The following ABCG1 variants were observed in gnomAD, a reference collection of about 807,000 sequenced individuals.
ABCG1 encodes the protein ATP-binding cassette sub-family G member 1.
In ABCG1, 29 loss-of-function variants were observed where a neutral mutation model predicts 69.2. The ratio of observed to expected loss-of-function variants is 0.42; its 90% confidence interval spans 0.31 to 0.57. The LOEUF (loss-of-function observed/expected upper bound fraction) is 0.57. Ranked by LOEUF, ABCG1 falls within the 20% of genes least tolerant of loss-of-function variation. The pLI is 0.15. For missense variants in ABCG1, 718 were observed against 898.1 expected, an observed-to-expected ratio of 0.80 and a Z score of 2.56; for synonymous variants, 370 against 374.8, an observed-to-expected ratio of 0.99 and a Z score of 0.15.
At chr21:42,284,369 C>G (rs2068896009) in intron 6 of ABCG1, among the ~76,000 whole-genome samples, 191 bp from the exon 7 acceptor site, 1 of 152,164 alleles carries the variant, frequency 6.6e-6, no homozygotes, top group Non-Finnish European at 1.5e-5. Flanking sequence ...CATGCAAAGC[C>G]CTGCTGTGTG....
upstream of ABCG1, among the ~76,000 whole-genome samples, chr21:42,213,174 T>C (rs1409920488): frequency 6.6e-6 from 1 of 152,276 alleles, no homozygotes; most frequent in African/African-American, 2.4e-5. Context: ...AGTGACGGCA[T>C]AACCCTGAAG....
intron 2 of ABCG1, among the ~76,000 whole-genome samples, chr21:42,252,076 G>T (rs1039335931): frequency 5.3e-5 from 8 of 152,216 alleles, no homozygotes; most frequent in African/African-American, 1.9e-4. Flanking sequence ...AGCTCTCCCC[G>T]CAATGCTTCT....
intron 2 of ABCG1, among the ~76,000 whole-genome samples, chr21:42,209,668 A>G (rs1019003670): frequency 6.6e-6 from 1 of 152,222 alleles, no homozygotes; most frequent in African/African-American, 2.4e-5. Context: ...ACTGAAATCT[A>G]ATTCATACTA....
chr21:42,221,359 G>A (rs968049665), intron 1 of ABCG1: 3 of 152,292 alleles, frequency 2.0e-5, no homozygotes, highest in Non-Finnish European at 4.4e-5. Context: ...AGAGATACCA[G>A]GATCTTAAGC....
intron 2 of ABCG1, among the ~76,000 whole-genome samples, chr21:42,236,608 C>A (rs1235078832): frequency 6.6e-6 from 1 of 152,210 alleles, no homozygotes; most frequent in Non-Finnish European, 1.5e-5. Context: ...CTTTTCCTTG[C>A]ACTCTTGGGT....
intron 2 of ABCG1, among the ~76,000 whole-genome samples, chr21:42,258,749 T>C (rs917926660): frequency 6.6e-6 from 1 of 152,174 alleles, no homozygotes. Context: ...TGCTGGCAGC[T>C]GCTGTAAGAC....
At chr21:42,216,116 T>C (rs1395441405), upstream of ABCG1, 1 of 451,032 alleles carries the variant, frequency 2.2e-6, no homozygotes, top group Admixed American at 2.4e-5. Context: ...GCTCTCTCTC[T>C]TGTCTGCCGC....
chr21:42,203,090 C>T (rs1010127188), intron 2 of ABCG1, among the ~76,000 whole-genome samples: 4 of 152,142 alleles, frequency 2.6e-5, no homozygotes, highest in South Asian at 2.1e-4. Context: ...TGGGTATCCA[C>T]GGGCAGAAAA....
intron 4 of ABCG1, among the ~76,000 whole-genome samples, chr21:42,274,538 G>C (rs1168690013): frequency 6.9e-6 from 1 of 145,372 alleles, no homozygotes; most frequent in Non-Finnish European, 1.5e-5. Context: ...GCAGTGGCAC[G>C]ATCTCAGCTC....
intron 2 of ABCG1, among the ~76,000 whole-genome samples, chr21:42,202,106 C>T (rs925412218): frequency 6.6e-6 from 1 of 152,194 alleles, no homozygotes; most frequent in African/African-American, 2.4e-5. Context: ...CAGCGTTTAC[C>T]CACGGATGGA....
upstream of ABCG1, among the ~76,000 whole-genome samples, chr21:42,218,596 C>G (rs970582026): frequency 5.3e-5 from 8 of 152,220 alleles, no homozygotes; most frequent in African/African-American, 1.9e-4. Context: ...TGAGTGCACA[C>G]GATGCCTCAC....
chr21:42,283,135 C>T (rs975646161), intron 6 of ABCG1, among the ~76,000 whole-genome samples: 8 of 152,192 alleles, frequency 5.3e-5, no homozygotes, highest in Non-Finnish European at 1.0e-4. Context: ...CCAGACTTTA[C>T]GTTGTCTCAT....
At chr21:42,259,996 C>A (rs746233146) in intron 2 of ABCG1, 2 of 1,535,756 alleles carry the variant, frequency 1.3e-6, no homozygotes, top group East Asian at 2.4e-5. Context: ...CAGGCCAGTG[C>A]GGCATCCTGC....
intron 2 of ABCG1, among the ~76,000 whole-genome samples, chr21:42,257,780 C>T (rs914364377): frequency 1.2e-4 from 18 of 152,314 alleles, no homozygotes; most frequent in African/African-American, 3.4e-4. Flanking sequence ...CTCCCTGCAC[C>T]GCGAGGCCCA....
upstream of ABCG1, among the ~76,000 whole-genome samples, chr21:42,216,553 C>G (rs1201644838): frequency 6.6e-6 from 1 of 152,162 alleles, no homozygotes; most frequent in African/African-American, 2.4e-5. Context: ...TGCCAGGTGA[C>G]AGGAGCAAGC....
At chr21:42,268,846 C>T (rs919013363) in intron 2 of ABCG1, among the ~76,000 whole-genome samples, 2 of 152,182 alleles carry the variant, frequency 1.3e-5, no homozygotes, top group Non-Finnish European at 2.9e-5. Flanking sequence ...CATGCCATGT[C>T]CTGTTCCTGG....
chr21:42,280,896 C>T (rs923347641), intron 5 of ABCG1, among the ~76,000 whole-genome samples: 2 of 152,230 alleles, frequency 1.3e-5, no homozygotes, highest in African/African-American at 4.8e-5. Context: ...CCACCTTGCA[C>T]GCCCCCCACC....
intron 2 of ABCG1, among the ~76,000 whole-genome samples, chr21:42,227,906 C>G (rs1362411570): frequency 6.6e-6 from 1 of 152,126 alleles, no homozygotes; most frequent in Non-Finnish European, 1.5e-5. Flanking sequence ...TGAGAACTCC[C>G]TCACTATCAT....
intron 2 of ABCG1, among the ~76,000 whole-genome samples, chr21:42,258,380 T>A (rs2068345424): frequency 7.0e-6 from 1 of 142,160 alleles, no homozygotes; most frequent in African/African-American, 2.6e-5. Flanking sequence ...CCTCTTTCCA[T>A]CTCTCCCTCC....
Sources: gnomAD v4.1 joint callset for allele counts (sites outside exome capture counted in the v4.1 genomes callset) on GRCh38, gnomAD v4.1.1 for gene constraint, MANE v1.5 for transcripts, NCBI Gene and HGNC (gene_info 2026-07-23, HGNC 2026-07-21) for gene names.